Variants in PTCH1 observed in about 807,000 individuals in gnomAD.
PTCH1 encodes patched 1, also known as protein patched homolog 1.
In PTCH1, 14 loss-of-function variants were observed where a neutral mutation model predicts 144.6. The observed-to-expected ratio is 0.10, with a 90% CI of 0.06 to 0.15. The LOEUF (loss-of-function observed/expected upper bound fraction) is 0.15. Among genes scored for constraint, PTCH1 ranks in the 10% least tolerant of loss-of-function variants. The pLI is 1.00. For missense variants in PTCH1, 1,623 were observed against 1,948.3 expected, an observed-to-expected ratio of 0.83 and a Z score of 3.14; for synonymous variants, 833 against 793.6, an observed-to-expected ratio of 1.05 and a Z score of -0.83.
chr9:95,459,921 T>G, intron 16 of PTCH1, 138 bp from the exon 17 acceptor site: 1 of 933,506 alleles, frequency 1.1e-6, no homozygotes, highest in East Asian at 2.5e-5. Context: ...GTGTCGAAAA[T>G]CCCATCAGAA....
At chr9:95,492,114 C>T (rs1165379172) in intron 2 of PTCH1, among the ~76,000 whole-genome samples, 1 of 152,198 alleles carries the variant, frequency 6.6e-6, no homozygotes, top group African/African-American at 2.4e-5. Flanking sequence ...ACTCCCTGAT[C>T]CTTCAACTGC....
intron 18 of PTCH1, among the ~76,000 whole-genome samples, chr9:95,457,282 A>T (rs1839026202): frequency 6.6e-6 from 1 of 152,184 alleles, no homozygotes; most frequent in South Asian, 2.1e-4. Flanking sequence ...AGGAATGATG[A>T]AAGATGGACA....
chr9:95,459,829 G>A (rs879142505), intron 16 of PTCH1, 46 bp from the exon 17 acceptor site: 1 of 1,597,012 alleles, frequency 6.3e-7, no homozygotes, highest in South Asian at 1.1e-5. Flanking sequence ...GGGGTTGGGG[G>A]TAAACACACT....
rs2118552352 is a variant in PTCH1 at position 95,485,887 on chromosome 9, T to C, written c.395-13A>G. The C allele has an allele frequency of 6.2e-7, 1 of 1,614,046 alleles. No individual in the cohort carries two copies. The highest frequency in any genetic ancestry group is 8.5e-7 in the Non-Finnish European group (1 of 1,179,912). ...ACTCGTCCTCCAACTGACAAATATG[T>C]ACAGGTTTAATTAGAATAGCAAAAT... On this transcript the variant is annotated splice_polypyrimidine_tract_variant and intron_variant, in intron 2 of 23. Coordinates refer to ENST00000331920, the MANE Select transcript of PTCH1 (RefSeq NM_000264.5).
intron 2 of PTCH1, among the ~76,000 whole-genome samples, chr9:95,500,527 T>G (rs1244764292): frequency 3.3e-5 from 5 of 152,212 alleles, no homozygotes. Context: ...TTCCTGTCCC[T>G]TGTGAAATGC....
At chr9:95,478,551 T>C (rs140751861) in intron 8 of PTCH1, among the ~76,000 whole-genome samples, 1 of 152,192 alleles carries the variant, frequency 6.6e-6, no homozygotes, top group Non-Finnish European at 1.5e-5. Flanking sequence ...CTCATTCTTA[T>C]GGCCCTCCTC....
At chr9:95,511,758 G>T (rs975492008), upstream of PTCH1, among the ~76,000 whole-genome samples, 9 of 152,188 alleles carry the variant, frequency 5.9e-5, no homozygotes, top group African/African-American at 2.2e-4. Context: ...TACTATTCTA[G>T]CTTTTCTTAC....
chr9:95,508,750 C>T lies in PTCH1; in HGVS notation c.-389G>A, dbSNP rs1317746405. ...TGCGGTCCCCAACTCCCCCTACCCGCCCCCCGCCCCGCGCCGCGACCCCTT... is the reference window on the plus strand; with the variant it reads ...TGCGGTCCCCAACTCCCCCTACCCGTCCCCCGCCCCGCGCCGCGACCCCTT... On this transcript the variant is annotated 5_prime_UTR_variant, in exon 1 of 24. Transcript: ENST00000331920. 2.2e-5 allele frequency: 20 copies of T among 900,682 alleles called. No homozygotes were observed. The highest frequency in any genetic ancestry group is 5.1e-5 in the South Asian group (1 of 19,600). The allele number at this position is 900,682 out of a possible 1,614,324, so 55.8% of individuals were successfully genotyped here.
chr9:95,460,365 C>T (rs535990866), intron 16 of PTCH1, among the ~76,000 whole-genome samples: 3 of 152,290 alleles, frequency 2.0e-5, no homozygotes, highest in East Asian at 1.9e-4. Context: ...CGTAGTACTC[C>T]GCACGCCGCG....
At chr9:95,514,647 T>TGTGTGTGTGTGAGAGAGA (rs56689083) in intron 1 of PTCH1, 1 of 148,802 alleles carries the variant, frequency 6.7e-6, no homozygotes, top group African/African-American at 2.5e-5. Flanking sequence ...TGTGTGTGTG[T>TGTGTGTGTGTGAGAGAGA]GAGAGAGAGA....
intron 15 of PTCH1, among the ~76,000 whole-genome samples, chr9:95,464,265 T>C (rs571003928): frequency 2.1e-4 from 32 of 152,352 alleles, no homozygotes; most frequent in African/African-American, 7.2e-4. Context: ...TAAGCACATG[T>C]ACAAGGTACG....
chr9:95,480,012 T>C lies in PTCH1; in HGVS notation c.1024A>G (p.Ile342Val), dbSNP rs1245184042. 6.2e-7 allele frequency: 1 copy of C among 1,614,034 alleles called. No individual in the cohort carries two copies. ...RKYMHWQEEL[I>V]VGGTVKNSTG... ...CTGTTCTTGACTGTGCCACCCACAA[T>C]CAACTCCTCCTGCCAGTGCATATAC... Residue 342 changes from isoleucine (I) to valine (V), a missense_variant, in exon 7 of 24, where the codon ATT (isoleucine) becomes GTT (valine). Ile to Val is a conservative substitution (Grantham distance 29, BLOSUM62 3). This residue lies in a region of PTCH1 where 230 missense variants were observed against 271.0 expected (regional missense o/e 0.85). Transcript: ENST00000331920.
intron 18 of PTCH1, 151 bp downstream of exon 18, chr9:95,457,862 A>G: frequency 9.2e-7 from 1 of 1,084,400 alleles, no homozygotes; most frequent in Non-Finnish European, 1.4e-6. Context: ...TTAACCATGG[A>G]CCTCACCACC....
chr9:95,472,337 G>A (rs1840659311), intron 12 of PTCH1, among the ~76,000 whole-genome samples: 2 of 151,376 alleles, frequency 1.3e-5, no homozygotes, highest in East Asian at 3.9e-4. Context: ...AAGACTTGAT[G>A]CCAAGCCCCT....
At chr9:95,490,999 A>G (rs1842365451) in intron 2 of PTCH1, among the ~76,000 whole-genome samples, 1 of 152,242 alleles carries the variant, frequency 6.6e-6, no homozygotes. Context: ...TATATACAGT[A>G]TTATGTATCA....
rs757437208 is a variant in PTCH1, at chr9:95,480,031, C to A, written c.1005G>T (p.Met335Ile). The A allele has an allele frequency of 4.3e-6, 7 of 1,614,016 alleles. No homozygotes were observed. Among genetic ancestry groups the A allele is most frequent in the Non-Finnish European group, 5.9e-6 (7 of 1,180,034 alleles). The change falls in exon 7 of 24, where the codon ATG becomes ATT. Residue 335 changes from methionine to isoleucine, a missense_variant. Met to Ile is a conservative substitution (Grantham distance 10). Around this residue, in one of 7 missense-constraint regions of PTCH1, gnomAD observed 230 missense variants for 271.0 expected, o/e 0.85. Transcript: ENST00000331920. ...GGCHGLSRKYMHWQEELIVGG... is the reference protein window; with the variant it reads ...GGCHGLSRKYIHWQEELIVGG... Reference sequence around the variant, plus strand: ...CCACAATCAACTCCTCCTGCCAGTGCATATACTTTCTGGATAAGCCATGAC... The same window carrying A: ...CCACAATCAACTCCTCCTGCCAGTGAATATACTTTCTGGATAAGCCATGAC...
In PTCH1 at chr9:95,480,442, T is replaced by C. The variant is rs1456514392; in HGVS notation, c.893A>G (p.Asn298Ser). ...GGCGGGGCAGTCTGGATCGGCCGGA[T>C]TGAGGCAGGGGCGGTCCATGTAACC... ...GHGYMDRPCL[N>S]PADPDCPATA... The change falls in exon 6 of 24, where the codon AAT becomes AGT. Residue 298 changes from asparagine to serine, a missense_variant. Asn to Ser is a conservative substitution (Grantham distance 46). Around this residue, in one of 7 missense-constraint regions of PTCH1, gnomAD observed 230 missense variants for 271.0 expected, o/e 0.85. Coordinates refer to ENST00000331920, the MANE Select transcript of PTCH1 (RefSeq NM_000264.5). The C allele has an allele frequency of 4.3e-6, 7 of 1,611,538 alleles. No homozygotes were observed. In the African/African-American group the frequency reaches 8.1e-5, roughly 19 times the overall value.
At chr9:95,510,615 CTTTA>C (rs1156591413), upstream of PTCH1, among the ~76,000 whole-genome samples, 11 of 151,386 alleles carry the variant, frequency 7.3e-5, 1 homozygote, top group South Asian at 4.2e-4. Context: ...ATTTGCTTCA[CTTTA>C]TTTTTTTTTT....
In PTCH1 at chr9:95,449,396, C is replaced by G. The variant is rs547652424; in HGVS notation, c.3550-73G>C. On this transcript the variant is annotated intron_variant, in intron 21 of 23. Transcript: ENST00000331920. The surrounding 1 kb of genome is among the most constrained non-coding windows in gnomAD (Gnocchi z 5.3). ...CTGGCCACACTCAAAGCTCAAAGCA[C>G]GGTATTTTTCAGGGGCCTCTGTTCC... is the stretch of plus-strand genomic sequence containing the variant. 1 of 1,532,586 alleles carries G rather than the reference C, an allele frequency of 6.5e-7. No homozygotes were observed. Among genetic ancestry groups the G allele is most frequent in the Non-Finnish European group, 8.8e-7 (1 of 1,142,818 alleles). 94.9% of individuals were successfully genotyped at this position (1,532,586 alleles called of 1,614,324 possible).
Sources: allele counts gnomAD v4.1 joint callset (sites outside exome capture counted in the v4.1 genomes callset), GRCh38; gene constraint gnomAD v4.1.1; regional missense constraint gnomAD v4.1.1; non-coding constraint Gnocchi (gnomAD v3.1); transcripts MANE v1.5; gene names NCBI Gene and HGNC (gene_info 2026-07-23, HGNC 2026-07-21).